ABCC10: variants seen among roughly 807,000 people sequenced by gnomAD.
ABCC10 encodes ATP-binding cassette sub-family C member 10.
In ABCC10, 110 loss-of-function variants were observed where a neutral mutation model predicts 143.2. The observed-to-expected ratio is 0.77, with a 90% confidence interval of 0.66 to 0.90. The LOEUF (loss-of-function observed/expected upper bound fraction) is 0.90. ABCC10 is among the 40% of genes least tolerant of loss of function. The pLI is 0.00. For synonymous variants in ABCC10, 805 were observed against 846.7 expected, an observed-to-expected ratio of 0.95 and a Z score of 0.85; for missense variants, 1,700 against 1,900.5, an observed-to-expected ratio of 0.89 and a Z score of 1.96.
chr6:43,436,364 G>C (rs1781725179), intron 6 of ABCC10, 117 bp downstream of exon 6: 1 of 1,291,824 alleles, frequency 7.7e-7, no homozygotes. Context: ...TCTAATTGCT[G>C]CAGGAGGGAT....
intron 9 of ABCC10, 148 bp from the exon 10 acceptor site, chr6:43,442,822 G>T: frequency 1.5e-6 from 1 of 672,100 alleles, no homozygotes; most frequent in Non-Finnish European, 2.4e-6. Context: ...TTGCCTGAAG[G>T]GATGTCCACC....
At position 43,447,857 on chromosome 6, in the gene ABCC10, C is replaced by G; in HGVS notation, c.3879C>G (p.Leu1293=). 1 of 1,613,918 alleles carries G rather than the reference C, an allele frequency of 6.2e-7. No homozygotes were observed. Among genetic ancestry groups the G allele is most frequent in the Non-Finnish European group, 8.5e-7 (1 of 1,180,034 alleles). The change falls in exon 18 of 22, where the codon CTC becomes CTG. Residue 1293 remains leucine, a synonymous_variant. Transcript: ENST00000372530. The part of the protein sequence containing the change: ...GSGKSSLLLV[L]FRLLEPSSGR... ...GCAAGTCTTCCCTGTTGTTGGTGCT[C>G]TTCCGGCTGCTAGAGCCCAGTTCAG...
At chr6:43,441,753 C>T (rs879725591) in intron 8 of ABCC10, 109 bp from the exon 9 acceptor site, 18 of 827,662 alleles carry the variant, frequency 2.2e-5, no homozygotes, top group Middle Eastern at 3.7e-4. Flanking sequence ...AGTCTACTCT[C>T]CTCAAGCTCC....
intron 21 of ABCC10, 117 bp from the exon 22 acceptor site, chr6:43,449,812 T>TA: frequency 1.6e-6 from 2 of 1,282,500 alleles, no homozygotes; most frequent in Non-Finnish European, 2.2e-6. Context: ...AGCCAGGGGC[T>TA]AAAGCCTGTG....
rs1781208602 is a variant in ABCC10 at position 43,432,157 on chromosome 6, C to T, written c.177C>T (p.Ile59=). Reference sequence around the variant, plus strand: ...TTGTCCCCAGGAGTCCAGATTACATCCTACCCTGCAGTCCTGGATGGCGCC... The same window carrying T: ...TTGTCCCCAGGAGTCCAGATTACATTCTACCCTGCAGTCCTGGATGGCGCC... The part of the protein sequence containing the change: ...YLGTPRSPDY[I]LPCSPGWRLR... Residue 59 remains isoleucine (I), a synonymous_variant, in exon 3 of 22, where the codon ATC becomes ATT. Transcript: ENST00000372530. 17 of 1,614,146 alleles carry T rather than the reference C, an allele frequency of 1.1e-5. No individual in the cohort carries two copies. Among genetic ancestry groups the T allele is most frequent in the Non-Finnish European group, 1.4e-5 (17 of 1,180,004 alleles).
intron 3 of ABCC10, 44 bp from the exon 4 acceptor site, chr6:43,434,577 G>C (rs759887459): frequency 6.5e-7 from 1 of 1,550,258 alleles, no homozygotes; most frequent in Non-Finnish European, 8.8e-7. Flanking sequence ...AGACACATGA[G>C]CAGTGCCTCC....
At position 43,448,795 on chromosome 6, in the gene ABCC10, A is replaced by C. The variant is rs940569193; in HGVS notation, c.3960-86A>C. 48 of 1,479,726 alleles carry C rather than the reference A, an allele frequency of 3.2e-5. No homozygotes were observed. The Admixed American group carries it at 6.2e-4, about 19-fold the overall frequency. 91.7% of individuals were successfully genotyped at this position (1,479,726 alleles called of 1,614,324 possible). A position where few individuals can be genotyped will look rare whatever the true frequency, so the allele number is the denominator to read the frequency against. ...AGGTCTCATACCCAGGCTTTCATGGAGGTGCTAGCCCTGTAGTCAGAAACT... is the reference window on the plus strand; with the variant it reads ...AGGTCTCATACCCAGGCTTTCATGGCGGTGCTAGCCCTGTAGTCAGAAACT... On this transcript the variant is annotated intron_variant, in intron 18 of 21. Transcript: ENST00000372530.
downstream of ABCC10, chr6:43,451,414 G>C: frequency 8.7e-7 from 1 of 1,144,482 alleles, no homozygotes; most frequent in Non-Finnish European, 1.2e-6. The surrounding 1 kb of genome is among the most constrained non-coding windows in gnomAD (Gnocchi z 4.4). Flanking sequence ...TTAAAAATGA[G>C]AATAAAAATA....
rs1783515563 is a variant in ABCC10 at position 43,449,474 on chromosome 6, T to C, written c.4256T>C (p.Leu1419Pro). ...TASVDQKTDQ[L>P]LQQTICKRFA... The stretch of plus-strand genomic sequence containing the variant: ...AGTGTGGACCAGAAGACAGACCAGC[T>C]GCTCCAGCAGACCATCTGCAAACGC... Residue 1419 changes from leucine (L) to proline (P), a missense_variant, in exon 21 of 22, where the codon CTG (leucine) becomes CCG (proline). Physicochemically the swap from Leu to Pro is moderately conservative, Grantham distance 98 (BLOSUM62 -3). Transcript: ENST00000372530. 1.2e-6 allele frequency: 2 copies of C among 1,613,960 alleles called. No homozygotes were observed. Among genetic ancestry groups the C allele is most frequent in the Admixed American group, 1.7e-5 (1 of 59,992 alleles).
intron 4 of ABCC10, among the ~76,000 whole-genome samples, 187 bp from the exon 5 acceptor site, chr6:43,435,564 G>A (rs1465933762): frequency 1.3e-5 from 2 of 152,046 alleles, no homozygotes; most frequent in Non-Finnish European, 1.5e-5. Context: ...ATCCCTTGAG[G>A]AACATTGGAA....
At position 43,443,438 on chromosome 6, in the gene ABCC10, G is replaced by A; in HGVS notation, c.2416+279G>A. Reference sequence around the variant, plus strand: ...AGAACATTCTCATATCTTCAGAGAAGAGAAAGGAGTCAGGTTTAGAATGGT... The same window carrying A: ...AGAACATTCTCATATCTTCAGAGAAAAGAAAGGAGTCAGGTTTAGAATGGT... On this transcript the variant is annotated intron_variant, in intron 10 of 21. Transcript: ENST00000372530. This position sits in a 1 kb window ranked among gnomAD's most constrained non-coding sequence, Gnocchi z 4.2. 1 of 391,094 alleles carries A rather than the reference G, an allele frequency of 2.6e-6. No individual in the cohort carries two copies. The highest frequency in any genetic ancestry group is 4.5e-6 in the Non-Finnish European group (1 of 220,152). The allele number at this position is 391,094 out of a possible 1,614,324, so 24.2% of individuals were successfully genotyped here. A position where few individuals can be genotyped will look rare whatever the true frequency, so the allele number is the denominator to read the frequency against.
In ABCC10 at chr6:43,447,276, C is replaced by G; in HGVS notation, c.3573C>G (p.Ala1191=). 1 of 1,613,778 alleles carries G rather than the reference C, an allele frequency of 6.2e-7. No individual in the cohort carries two copies. The highest frequency in any genetic ancestry group is 8.5e-7 in the Non-Finnish European group (1 of 1,179,992). ...TGGTGGGCTTGTCGCTGTCTTATGCCCTGTCCCTGACGGGCCTGCTCTCGG... is the reference window on the plus strand; with the variant it reads ...TGGTGGGCTTGTCGCTGTCTTATGCGCTGTCCCTGACGGGCCTGCTCTCGG... The part of the protein sequence containing the change: ...PGLVGLSLSY[A]LSLTGLLSGL... Residue 1191 remains alanine, a synonymous_variant, in exon 17 of 22, where the codon GCC becomes GCG. Coordinates refer to ENST00000372530, the MANE Select transcript of ABCC10 (RefSeq NM_001198934.2).
At chr6:43,428,551 A>G (rs1460962297) in intron 2 of ABCC10, among the ~76,000 whole-genome samples, 1 of 152,220 alleles carries the variant, frequency 6.6e-6, no homozygotes, top group Non-Finnish European at 1.5e-5. Context: ...ACTGCAACCC[A>G]TGAAACCTTA....
At position 43,447,916 on chromosome 6, in the gene ABCC10, A is replaced by T; in HGVS notation, c.3938A>T (p.Gln1313Leu). The change falls in exon 18 of 22, where the codon CAG becomes CTG. Residue 1313 changes from glutamine (Q) to leucine (L), a missense_variant. Coordinates refer to ENST00000372530, the MANE Select transcript of ABCC10 (RefSeq NM_001198934.2). The stretch of plus-strand genomic sequence containing the variant: ...CTGCTGGACGGCGTGGACACCAGCC[A>T]GCTGGAGCTGGCCCAGCTCAGGTCT... The part of the protein sequence containing the change: ...RVLLDGVDTS[Q>L]LELAQLRSQL... 3.1e-6 allele frequency: 5 copies of T among 1,613,510 alleles called. No homozygotes were observed. Among genetic ancestry groups the T allele is most frequent in the Non-Finnish European group, 4.2e-6 (5 of 1,180,000 alleles).
chr6:43,445,931 G>A lies in ABCC10; in HGVS notation c.3363G>A (p.Gly1121=), dbSNP rs112977568. ...GCCTCTCTGTGCTCCGGGCCACAGG[G>A]GCCACCTACAGGTGTGTGAACCAGA... ...LAGLSVLRAT[G]ATYRFEEENL... Residue 1121 remains glycine, a synonymous_variant, in exon 15 of 22, where the codon GGG becomes GGA. Coordinates refer to ENST00000372530, the MANE Select transcript of ABCC10 (RefSeq NM_001198934.2). 2,232 of 1,612,186 alleles carry A rather than the reference G, an allele frequency of 1.4e-3. 25 individuals carry two copies. In the African/African-American group the frequency reaches 0.026, roughly 18 times the overall value.
rs1194896525 is a variant in ABCC10, at chr6:43,442,495, C to G, written c.2227-475C>G. Among the ~76,000 whole-genome samples, 3 of 152,154 alleles carry G rather than the reference C, an allele frequency of 2.0e-5. No homozygotes were observed. The East Asian group carries it at 5.8e-4, about 29-fold the overall frequency. On this transcript the variant is annotated intron_variant, in intron 9 of 21. Transcript: ENST00000372530. ...CTGAGGCAGGAGAATCGCTTGAACC[C>G]GAGAGGCAGAGGTTGCAGTGAGCCA...
At chr6:43,431,413 T>G (rs1221136712) in intron 2 of ABCC10, among the ~76,000 whole-genome samples, 3 of 152,146 alleles carry the variant, frequency 2.0e-5, no homozygotes, top group African/African-American at 7.2e-5. Flanking sequence ...CAGGCTGGAG[T>G]GCATTGGCGT....
Position 43,445,647 on chromosome 6 carries a change from CG to C in ABCC10, c.3080del (p.Arg1027ProfsTer48). ...NATPTGRILNRFSSDVACADD... is the reference protein window; with the variant it reads ...NATPTGRILNXFSSDVACADD... ...CACACCCACGGGCCGGATCCTAAAC[CG>C]CTTCTCCTCTGATGTGGCCTGTGCG... is the stretch of plus-strand genomic sequence containing the variant. On this transcript the variant is annotated frameshift_variant, in exon 15 of 22. Coordinates refer to ENST00000372530, the MANE Select transcript of ABCC10 (RefSeq NM_001198934.2). LOFTEE classifies it high-confidence loss of function. 2 of 1,614,038 alleles carry C rather than the reference CG, an allele frequency of 1.2e-6. No homozygotes were observed. The highest frequency in any genetic ancestry group is 1.7e-6 in the Non-Finnish European group (2 of 1,179,906).
chr6:43,434,067 C>T (rs532725981), intron 3 of ABCC10, among the ~76,000 whole-genome samples: 1 of 152,356 alleles, frequency 6.6e-6, no homozygotes, highest in African/African-American at 2.4e-5. Context: ...GGCATTTTCC[C>T]CTACCTGTGA....
Sources: gnomAD v4.1 joint callset for allele counts (sites outside exome capture counted in the v4.1 genomes callset) on GRCh38, gnomAD v4.1.1 for gene constraint, Gnocchi (gnomAD v3.1) non-coding constraint, MANE v1.5 for transcripts, NCBI Gene and HGNC (gene_info 2026-07-23, HGNC 2026-07-21) for gene names.